Variants in GRID2 observed in about 807,000 individuals in gnomAD.
GRID2 encodes glutamate receptor ionotropic, delta-2.
GRID2 carries 33 observed loss-of-function variants against 114.8 expected under a neutral mutation model. That is an observed-to-expected ratio of 0.29 (90% CI 0.22 to 0.38). GRID2 has a LOEUF of 0.38. Among genes scored for constraint, GRID2 ranks in the 10% least tolerant of loss-of-function variants. GRID2 has a pLI of 1.00. For missense variants in GRID2, 1,184 were observed against 1,257.7 expected (o/e 0.94, Z 0.89); for synonymous variants, 505 against 449.9 (o/e 1.12, Z -1.55).
Position 92,683,025 on chromosome 4 carries a change from T to C in GRID2, c.244+92739T>C, listed in dbSNP as rs985296499. Among the ~76,000 whole-genome samples, 67 of 152,026 alleles carry C rather than the reference T, an allele frequency of 4.4e-4. 1 individual carries two copies. The highest frequency in any genetic ancestry group is 4.1e-4 in the South Asian group (2 of 4,826). ...AAAATATTCTAGTTAATAGGCTAGGTGCGGTGGCTCACACCTGTAATCCCA... is the reference window on the plus strand; with the variant it reads ...AAAATATTCTAGTTAATAGGCTAGGCGCGGTGGCTCACACCTGTAATCCCA... On this transcript the variant is annotated intron_variant, in intron 2 of 15. Coordinates refer to ENST00000282020, the MANE Select transcript of GRID2 (RefSeq NM_001510.4).
chr4:93,352,679 A>G (rs769375687), intron 8 of GRID2, among the ~76,000 whole-genome samples: 18 of 152,158 alleles, frequency 1.2e-4, no homozygotes, highest in Admixed American at 5.3e-4. Flanking sequence ...GATGCATTCA[A>G]TTTCATTCTA....
At chr4:93,335,694 C>T (rs369590354) in intron 8 of GRID2, among the ~76,000 whole-genome samples, 16,915 of 141,454 alleles carry the variant, frequency 0.12, 1,836 homozygotes, top group African/African-American at 0.27. Context: ...TTTCTTCTTT[C>T]TTTTTTTTTT....
intron 8 of GRID2, among the ~76,000 whole-genome samples, chr4:93,388,747 C>T (rs748446284): frequency 3.9e-5 from 6 of 152,224 alleles, no homozygotes; most frequent in Middle Eastern, 3.4e-3. Flanking sequence ...AAATTAGCTT[C>T]GGCTAGGATG....
intron 2 of GRID2, among the ~76,000 whole-genome samples, chr4:93,011,747 G>C (rs1311105112): frequency 6.6e-6 from 1 of 152,044 alleles, no homozygotes; most frequent in Non-Finnish European, 1.5e-5. Flanking sequence ...TTGAGACTGG[G>C]AGATGGCTTA....
chr4:92,472,572 A>G (rs1722099187), intron 1 of GRID2, among the ~76,000 whole-genome samples: 3 of 152,168 alleles, frequency 2.0e-5, no homozygotes, highest in Non-Finnish European at 4.4e-5. Context: ...CAGTTGCTCC[A>G]CATCTTCATC....
At chr4:92,656,408 A>G (rs1184568418) in intron 2 of GRID2, among the ~76,000 whole-genome samples, 2 of 151,674 alleles carry the variant, frequency 1.3e-5, no homozygotes, top group Non-Finnish European at 3.0e-5. Context: ...TCACAAAGTT[A>G]ACAACAATGC....
chr4:92,573,388 C>T (rs1727725737), intron 1 of GRID2, among the ~76,000 whole-genome samples: 1 of 151,866 alleles, frequency 6.6e-6, no homozygotes, highest in Non-Finnish European at 1.5e-5. Context: ...TTCTCTAGTT[C>T]TTTTGTTGTG....
intron 12 of GRID2, among the ~76,000 whole-genome samples, chr4:93,503,690 A>G (rs542593508): frequency 6.6e-5 from 10 of 152,110 alleles, no homozygotes; most frequent in Non-Finnish European, 1.5e-4. Flanking sequence ...TCGTCTTTTA[A>G]AAAAGTGATC....
In GRID2 at chr4:92,737,986, A is replaced by AT. The variant is rs1288738227; in HGVS notation, c.244+147705dup. ...TCTACAATGTTTCTCTCATTGTTTC[A>AT]TTTTTACTCTGATGACATGATTTGA... On this transcript the variant is annotated intron_variant, in intron 2 of 15. Transcript: ENST00000282020. Among the ~76,000 whole-genome samples, 11 of 152,054 alleles carry AT rather than the reference A, an allele frequency of 7.2e-5. 1 individual carries two copies. The South Asian group carries it at 2.3e-3, about 32-fold the overall frequency.
chr4:93,409,386 T>C (rs900487982), intron 9 of GRID2, among the ~76,000 whole-genome samples: 14 of 152,080 alleles, frequency 9.2e-5, no homozygotes, highest in African/African-American at 3.4e-4. Context: ...GCAGCTGTAT[T>C]GGGGGTAGTG....
intron 2 of GRID2, among the ~76,000 whole-genome samples, chr4:92,596,733 C>A (rs1485440539): frequency 1.3e-5 from 2 of 151,334 alleles, no homozygotes; most frequent in Non-Finnish European, 2.9e-5. Context: ...TTTTCCACTG[C>A]AGAATTTCCC....
intron 14 of GRID2, among the ~76,000 whole-genome samples, chr4:93,768,128 C>G (rs1733819261): frequency 6.6e-6 from 1 of 151,906 alleles, no homozygotes; most frequent in South Asian, 2.1e-4. Flanking sequence ...TCTGTCCACA[C>G]TCTACAAACT....
chr4:93,711,740 C>T (rs937722062), intron 14 of GRID2, among the ~76,000 whole-genome samples: 6 of 152,190 alleles, frequency 3.9e-5, no homozygotes, highest in Non-Finnish European at 8.8e-5. Context: ...ACACATTCTC[C>T]ATCTGCACCA....
chr4:93,762,938 A>G (rs1430067094), intron 14 of GRID2, among the ~76,000 whole-genome samples: 1 of 152,168 alleles, frequency 6.6e-6, no homozygotes, highest in Non-Finnish European at 1.5e-5. Flanking sequence ...AAAATGGCAG[A>G]GGCTCAGAAG....
At chr4:93,626,684 A>C (rs1742764389) in intron 14 of GRID2, among the ~76,000 whole-genome samples, 1 of 152,252 alleles carries the variant, frequency 6.6e-6, no homozygotes, top group African/African-American at 2.4e-5. Context: ...ACTCTCAAAA[A>C]ATTGACATGG....
intron 2 of GRID2, among the ~76,000 whole-genome samples, chr4:93,039,894 A>T (rs1725328110): frequency 6.6e-6 from 1 of 152,170 alleles, no homozygotes; most frequent in South Asian, 2.1e-4. Flanking sequence ...CTTTCTGAAA[A>T]TATATGGTAT....
chr4:92,453,512 G>T (rs1300791777), intron 1 of GRID2, among the ~76,000 whole-genome samples: 1 of 151,962 alleles, frequency 6.6e-6, no homozygotes, highest in African/African-American at 2.4e-5. Flanking sequence ...TATATTTATT[G>T]CACCAAATGA....
intron 2 of GRID2, among the ~76,000 whole-genome samples, chr4:93,056,186 AT>A (rs1727221368): frequency 6.6e-6 from 1 of 151,972 alleles, no homozygotes; most frequent in African/African-American, 2.4e-5. Flanking sequence ...AAGGAAAAGT[AT>A]TTTGAAACAT....
chr4:93,496,916 C>T (rs796445396), intron 12 of GRID2, among the ~76,000 whole-genome samples: 3 of 151,924 alleles, frequency 2.0e-5, no homozygotes, highest in South Asian at 2.1e-4. Context: ...ATTGCTCGGT[C>T]ATGTGTTAAG....
Sources: allele counts gnomAD v4.1 joint callset (sites outside exome capture counted in the v4.1 genomes callset), GRCh38; gene constraint gnomAD v4.1.1; transcripts MANE v1.5; gene names NCBI Gene and HGNC (gene_info 2026-07-23, HGNC 2026-07-21).